Variants in UNC13C observed in about 807,000 individuals in gnomAD.
UNC13C encodes the protein unc-13 homolog C, also known as protein unc-13 homolog C.
A neutral mutation model predicts 245.4 loss-of-function variants in UNC13C; 174 were observed. The observed-to-expected ratio is 0.71, with a 90% CI of 0.63 to 0.80. The LOEUF (loss-of-function observed/expected upper bound fraction) is 0.80. Among genes scored for constraint, UNC13C ranks in the 30% least tolerant of loss-of-function variants. The pLI, the probability that UNC13C is intolerant of heterozygous loss-of-function variation, is 0.00. For missense variants in UNC13C, 2,829 were observed against 2,602.9 expected (o/e 1.09, Z -1.89); for synonymous variants, 992 against 895.1 (o/e 1.11, Z -1.93).
At chr15:54,543,640 A>G (rs1304143177) in intron 26 of UNC13C, among the ~76,000 whole-genome samples, 1 of 152,154 alleles carries the variant, frequency 6.6e-6, no homozygotes, top group Non-Finnish European at 1.5e-5. Context: ...AGAAATACAA[A>G]CTACCTTCTG....
chr15:54,232,391 C>T (rs963558770), intron 4 of UNC13C, among the ~76,000 whole-genome samples: 1 of 152,082 alleles, frequency 6.6e-6, no homozygotes, highest in Non-Finnish European at 1.5e-5. Context: ...GTCCTAGGTC[C>T]TTGGATATCT....
rs77266294 is a variant in UNC13C, at chr15:54,145,549, G to T, written c.3071+1865G>T. ...GTGAAAGATCATTATGAATTATTCA[G>T]AGATATTAAGGTAGTGAATAGACTC... is the stretch of plus-strand genomic sequence containing the variant. On this transcript the variant is annotated intron_variant, in intron 4 of 32. Transcript: ENST00000260323. Among the ~76,000 whole-genome samples, 663 of 152,230 alleles carry T rather than the reference G, an allele frequency of 4.4e-3. 40 individuals are homozygous for T. In the East Asian group the frequency reaches 0.086, roughly 20 times the overall value.
chr15:54,307,780 A>G (rs544552445), intron 13 of UNC13C, among the ~76,000 whole-genome samples: 12 of 152,012 alleles, frequency 7.9e-5, no homozygotes, highest in Admixed American at 7.2e-4. Context: ...CAAAATCTCC[A>G]TAACTGGGCT....
At chr15:54,175,709 C>T (rs535568543) in intron 4 of UNC13C, among the ~76,000 whole-genome samples, 11 of 151,920 alleles carry the variant, frequency 7.2e-5, no homozygotes, top group African/African-American at 2.4e-4. Flanking sequence ...GACGGGGTTT[C>T]ACAGCTCCAC....
intron 4 of UNC13C, among the ~76,000 whole-genome samples, chr15:54,144,587 A>T (rs12439401): frequency 0.37 from 55,843 of 152,020 alleles, 11,403 homozygotes; most frequent in Non-Finnish European, 0.47. Context: ...AAGCTCAGTT[A>T]ATCCAATTCC....
At chr15:53,857,386 G>T in the UNC13C span, among the ~76,000 whole-genome samples, 3 of 152,168 alleles carry the variant, frequency 2.0e-5, no homozygotes, top group East Asian at 3.8e-4. Context: ...GAGTTAGTTT[G>T]TACATCTGGA....
intron 19 of UNC13C, among the ~76,000 whole-genome samples, chr15:54,478,383 G>C (rs1892898767): frequency 8.3e-6 from 1 of 120,010 alleles, no homozygotes; most frequent in Non-Finnish European, 1.8e-5. Context: ...TGCTTTTCTA[G>C]TCCTTTTAAT....
intron 4 of UNC13C, among the ~76,000 whole-genome samples, chr15:54,220,663 T>C (rs1226714603): frequency 6.6e-6 from 1 of 151,992 alleles, no homozygotes; most frequent in Admixed American, 6.6e-5. Context: ...AAAATATTGG[T>C]AGCCAAGCAA....
chr15:53,932,623 T>C, the UNC13C span, among the ~76,000 whole-genome samples: 1 of 152,192 alleles, frequency 6.6e-6, no homozygotes, highest in Non-Finnish European at 1.5e-5. Flanking sequence ...CATACTCTTC[T>C]TACCACTCTA....
intron 2 of UNC13C, among the ~76,000 whole-genome samples, chr15:54,094,567 C>T (rs1899749357): frequency 1.3e-5 from 2 of 152,134 alleles, no homozygotes; most frequent in Non-Finnish European, 2.9e-5. Flanking sequence ...TCTACTGCCC[C>T]TTCAAAATTG....
chr15:53,918,907 G>C, the UNC13C span, among the ~76,000 whole-genome samples: 1 of 152,160 alleles, frequency 6.6e-6, no homozygotes, highest in Non-Finnish European at 1.5e-5. Flanking sequence ...GCAATTTTTC[G>C]ACAGTCACAG....
At chr15:54,220,323 A>G (rs917817688) in intron 4 of UNC13C, among the ~76,000 whole-genome samples, 454 of 149,848 alleles carry the variant, frequency 3.0e-3, no homozygotes, top group African/African-American at 9.6e-3. Context: ...GGAAATCATC[A>G]TTCTCAGTAA....
chr15:54,189,007 G>T (rs546033891), intron 4 of UNC13C, among the ~76,000 whole-genome samples: 1 of 152,162 alleles, frequency 6.6e-6, no homozygotes, highest in Non-Finnish European at 1.5e-5. Flanking sequence ...GACTGTTGTT[G>T]CTTTGAATGC....
chr15:54,174,015 A>G (rs933269014), intron 4 of UNC13C, among the ~76,000 whole-genome samples: 9 of 152,102 alleles, frequency 5.9e-5, no homozygotes, highest in African/African-American at 2.2e-4. Flanking sequence ...CAATTGTTGC[A>G]TCAATATTGT....
intron 20 of UNC13C, among the ~76,000 whole-genome samples, chr15:54,497,539 T>G (rs1044686725): frequency 6.6e-6 from 1 of 152,022 alleles, no homozygotes; most frequent in Non-Finnish European, 1.5e-5. Flanking sequence ...TGATGCCTAA[T>G]TTACCTATGT....
At chr15:53,869,869 G>T in the UNC13C span, among the ~76,000 whole-genome samples, 1 of 152,190 alleles carries the variant, frequency 6.6e-6, no homozygotes, top group Non-Finnish European at 1.5e-5. Context: ...TTGATCAAAG[G>T]TTGGTCTTGG....
At chr15:53,872,354 T>C in the UNC13C span, among the ~76,000 whole-genome samples, 1 of 152,126 alleles carries the variant, frequency 6.6e-6, no homozygotes, top group East Asian at 1.9e-4. Context: ...ATAGATTTTT[T>C]TTTTTCTTCC....
intron 7 of UNC13C, 42 bp from the exon 8 acceptor site, chr15:54,250,183 A>G: frequency 6.4e-7 from 1 of 1,566,842 alleles, no homozygotes; most frequent in Non-Finnish European, 8.8e-7. Flanking sequence ...ATTCAAATCC[A>G]CTGACTTGGC....
intron 4 of UNC13C, among the ~76,000 whole-genome samples, chr15:54,194,885 G>GA (rs1188394314): frequency 6.6e-6 from 1 of 151,954 alleles, no homozygotes; most frequent in African/African-American, 2.4e-5. Flanking sequence ...GTTTTTGTGA[G>GA]AAAAAAATAA....
Sources: gnomAD v4.1 joint callset for allele counts (sites outside exome capture counted in the v4.1 genomes callset) on GRCh38, gnomAD v4.1.1 for gene constraint, MANE v1.5 for transcripts, NCBI Gene and HGNC (gene_info 2026-07-23, HGNC 2026-07-21) for gene names.